Variants in SOX6 observed in about 807,000 individuals in gnomAD.
The protein encoded by SOX6 is transcription factor SOX-6.
Under a neutral mutation model 97.8 loss-of-function variants are expected in SOX6, and 11 were observed. The observed-to-expected ratio is 0.11, with a 90% CI of 0.07 to 0.19. The LOEUF (loss-of-function observed/expected upper bound fraction) is 0.19. Ranked by LOEUF, SOX6 falls within the 10% of genes least tolerant of loss-of-function variation. The pLI is 1.00. For missense variants in SOX6, 810 were observed against 1,039.5 expected (o/e 0.78, Z 3.04); for synonymous variants, 360 against 371.4 (o/e 0.97, Z 0.35).
chr11:16,044,343 T>C (rs1015323624), intron 12 of SOX6, among the ~76,000 whole-genome samples: 2 of 152,290 alleles, frequency 1.3e-5, no homozygotes, highest in African/African-American at 4.8e-5. Context: ...AACAAATTCA[T>C]AAATCTAATG....
chr11:15,976,497 A>G (rs1853490853), intron 15 of SOX6, among the ~76,000 whole-genome samples: 1 of 152,212 alleles, frequency 6.6e-6, no homozygotes, highest in Admixed American at 6.5e-5. Flanking sequence ...AAGCTGGTGT[A>G]AACCTCACAG....
chr11:16,631,423 T>C (rs1168482845), intron 3 of SOX6, among the ~76,000 whole-genome samples: 2 of 152,216 alleles, frequency 1.3e-5, no homozygotes, highest in Admixed American at 1.3e-4. Context: ...CCCAACTTCT[T>C]CTGGCTTGTA....
chr11:16,389,985 A>AAAAAAC (rs1554964121), intron 1 of SOX6, among the ~76,000 whole-genome samples: 12 of 148,600 alleles, frequency 8.1e-5, no homozygotes, highest in Non-Finnish European at 1.2e-4. Context: ...AAAAAAAAAA[A>AAAAAAC]AAAAAAAAAA....
At chr11:15,975,490 G>A (rs1415720419) in intron 15 of SOX6, among the ~76,000 whole-genome samples, 5 of 152,084 alleles carry the variant, frequency 3.3e-5, no homozygotes, top group Non-Finnish European at 7.4e-5. Flanking sequence ...CAAATGATAC[G>A]TTTCCTTTTC....
chr11:16,303,592 T>G (rs1323923872), intron 3 of SOX6, among the ~76,000 whole-genome samples: 3 of 152,206 alleles, frequency 2.0e-5, no homozygotes, highest in Non-Finnish European at 4.4e-5. Context: ...CAAGATTTTC[T>G]TAGCTATTCT....
At chr11:16,105,110 C>T (rs1190703084) in intron 7 of SOX6, among the ~76,000 whole-genome samples, 1 of 151,974 alleles carries the variant, frequency 6.6e-6, no homozygotes. Flanking sequence ...CTACAGTCCA[C>T]TATCCCATAT....
chr11:15,991,230 A>C (rs183379359), intron 13 of SOX6, among the ~76,000 whole-genome samples: 1 of 152,232 alleles, frequency 6.6e-6, no homozygotes, highest in East Asian at 1.9e-4. Context: ...CCCACAGTAC[A>C]TTAATTTCAT....
intron 1 of SOX6, among the ~76,000 whole-genome samples, chr11:16,441,844 G>C (rs1859508659): frequency 6.6e-6 from 1 of 152,116 alleles, no homozygotes; most frequent in African/African-American, 2.4e-5. Context: ...AAACACGCCG[G>C]TATTTTATCA....
At chr11:16,077,358 G>A (rs916318571) in intron 9 of SOX6, among the ~76,000 whole-genome samples, 4 of 152,188 alleles carry the variant, frequency 2.6e-5, no homozygotes, top group African/African-American at 9.7e-5. Context: ...TATACTGCTT[G>A]TAGGAATGCA....
intron 4 of SOX6, among the ~76,000 whole-genome samples, chr11:16,565,987 T>C (rs1847869360): frequency 6.6e-6 from 1 of 151,302 alleles, no homozygotes; most frequent in Non-Finnish European, 1.5e-5. Flanking sequence ...TCCCAGCTAC[T>C]CGAGAGGCTG....
intron 2 of SOX6, among the ~76,000 whole-genome samples, chr11:16,323,219 G>A (rs297356): frequency 0.61 from 92,942 of 151,948 alleles, 28,903 homozygotes; most frequent in East Asian, 0.72. Flanking sequence ...TGTAAAATAT[G>A]TGTAGATGAT....
chr11:16,641,026 T>C (rs1470213513), intron 3 of SOX6, among the ~76,000 whole-genome samples: 1 of 152,248 alleles, frequency 6.6e-6, no homozygotes, highest in Non-Finnish European at 1.5e-5. Flanking sequence ...AGATCTTTCC[T>C]GCTTTCTCTT....
In SOX6 at chr11:15,972,737, G is replaced by T; in HGVS notation, c.*72C>A. The T allele has an allele frequency of 6.7e-7, 1 of 1,503,720 alleles. No homozygotes were observed. The highest frequency in any genetic ancestry group is 1.1e-5 in the South Asian group (1 of 88,784). 93.1% of individuals were successfully genotyped at this position (1,503,720 alleles called of 1,614,324 possible). A position where few individuals can be genotyped will look rare whatever the true frequency, so the allele number is the denominator to read the frequency against. ...ATTGTGGAGCCACAAATGCATGCGG[G>T]CTCTTTAATAACTCTTTGTTGGGGA... On this transcript the variant is annotated 3_prime_UTR_variant, in exon 16 of 16. Transcript: ENST00000683767.
chr11:16,164,895 G>A (rs1850847303), intron 6 of SOX6, among the ~76,000 whole-genome samples: 1 of 151,734 alleles, frequency 6.6e-6, no homozygotes, highest in Admixed American at 6.6e-5. Flanking sequence ...CATATTTCCT[G>A]TATTGATTGA....
chr11:16,002,997 T>C (rs576818878), intron 13 of SOX6, among the ~76,000 whole-genome samples: 4 of 152,306 alleles, frequency 2.6e-5, no homozygotes, highest in African/African-American at 7.2e-5. Flanking sequence ...CACCCAGTTT[T>C]AAATCCTTTA....
At chr11:16,471,243 A>G (rs942184015) in intron 1 of SOX6, among the ~76,000 whole-genome samples, 1 of 152,192 alleles carries the variant, frequency 6.6e-6, no homozygotes, top group Non-Finnish European at 1.5e-5. Context: ...AGGAAAAGAA[A>G]AAAAGGAAGT....
chr11:16,709,344 C>G (rs1848160002), intron 3 of SOX6, among the ~76,000 whole-genome samples: 1 of 152,022 alleles, frequency 6.6e-6, no homozygotes. Context: ...ACAGCAAAAC[C>G]CAGTCTCCAC....
chr11:16,708,489 T>C (rs1848153560), intron 3 of SOX6, among the ~76,000 whole-genome samples: 2 of 152,156 alleles, frequency 1.3e-5, no homozygotes, highest in Non-Finnish European at 2.9e-5. Context: ...TATACCTACA[T>C]TTTTTGTAAT....
intron 1 of SOX6, among the ~76,000 whole-genome samples, chr11:16,396,613 C>G (rs1858365246): frequency 6.6e-6 from 1 of 151,588 alleles, no homozygotes; most frequent in Admixed American, 6.6e-5. Context: ...TGTTTCCTAA[C>G]TTCTCCTAAG....
Sources: allele counts gnomAD v4.1 joint callset (sites outside exome capture counted in the v4.1 genomes callset), GRCh38; gene constraint gnomAD v4.1.1; transcripts MANE v1.5; gene names NCBI Gene and HGNC (gene_info 2026-07-23, HGNC 2026-07-21).